The following ADGRB3 variants were observed in gnomAD, a reference collection of about 807,000 sequenced individuals.
ADGRB3 encodes the protein brain-specific angiogenesis inhibitor 3.
In ADGRB3, 37 loss-of-function variants were observed where a neutral mutation model predicts 193.4. The ratio of observed to expected loss-of-function variants is 0.19; its 90% CI spans 0.15 to 0.25. The LOEUF (loss-of-function observed/expected upper bound fraction) is 0.25, where lower values mean the gene tolerates loss of function less well. Ranked by LOEUF, ADGRB3 falls within the 10% of genes least tolerant of loss-of-function variation. The probability of loss-of-function intolerance (pLI) is 1.00; values close to 1 mark genes in which losing one functional copy is unlikely to be tolerated. For synonymous variants in ADGRB3, 690 were observed against 644.2 expected (o/e 1.07, Z -1.08); for missense variants, 1,637 against 1,852.9 (o/e 0.88, Z 2.14).
intron 13 of ADGRB3, among the ~76,000 whole-genome samples, chr6:69,043,945 G>A (rs1207878990): frequency 6.6e-6 from 1 of 152,172 alleles, no homozygotes; most frequent in African/African-American, 2.4e-5. Context: ...GGAGACTGGG[G>A]GAGGAGAATG....
At chr6:69,138,980 C>T (rs953319238) in intron 17 of ADGRB3, among the ~76,000 whole-genome samples, 1 of 152,154 alleles carries the variant, frequency 6.6e-6, no homozygotes, top group African/African-American at 2.4e-5. Context: ...TTTGTGTTTA[C>T]CCTAAGCCCA....
At chr6:69,001,798 T>C (rs891353693) in intron 11 of ADGRB3, among the ~76,000 whole-genome samples, 1 of 152,214 alleles carries the variant, frequency 6.6e-6, no homozygotes, top group Non-Finnish European at 1.5e-5. Context: ...TTGATCACAC[T>C]TCTGTGGACC....
chr6:69,007,850 T>C (rs1769811026), intron 11 of ADGRB3, among the ~76,000 whole-genome samples: 1 of 152,106 alleles, frequency 6.6e-6, no homozygotes, highest in Non-Finnish European at 1.5e-5. Flanking sequence ...TAAAAATATA[T>C]TTCCCACAGT....
chr6:69,234,545 AAGTC>A (rs1766220203), intron 18 of ADGRB3, among the ~76,000 whole-genome samples: 1 of 152,180 alleles, frequency 6.6e-6, no homozygotes, highest in Non-Finnish European at 1.5e-5. Flanking sequence ...AGTTGTCAAA[AAGTC>A]AGAAAGTTTG....
chr6:68,649,714 T>G (rs2127280093), intron 3 of ADGRB3, among the ~76,000 whole-genome samples: 1 of 152,312 alleles, frequency 6.6e-6, no homozygotes, highest in Middle Eastern at 3.4e-3. Flanking sequence ...AGAAATAATG[T>G]GCATTCTTGG....
Position 68,639,330 on chromosome 6 carries a change from G to T in ADGRB3, c.655G>T (p.Val219Leu). 1 of 1,614,092 alleles carries T rather than the reference G, an allele frequency of 6.2e-7. No homozygotes were observed. Among genetic ancestry groups the T allele is most frequent in the Non-Finnish European group, 8.5e-7 (1 of 1,180,026 alleles). The change falls in exon 3 of 32, where the codon GTG (valine) becomes TTG (leucine). Residue 219 changes from valine (V) to leucine (L), a missense_variant. Around this residue, in one of 7 missense-constraint regions of ADGRB3, gnomAD observed 365 missense variants for 409.8 expected, o/e 0.89. Transcript: ENST00000370598. ...DQSLILLNNVVLPLNEQTEGC... is the reference protein window; with the variant it reads ...DQSLILLNNVLLPLNEQTEGC... ...GTCGCTGATTTTGTTAAATAACGTG[G>T]TGTTACCCCTGAATGAGCAGACAGA...
At chr6:69,226,985 C>T (rs531381010) in intron 17 of ADGRB3, among the ~76,000 whole-genome samples, 2 of 152,332 alleles carry the variant, frequency 1.3e-5, no homozygotes, top group East Asian at 1.9e-4. Context: ...TATCCAGATT[C>T]AGAGGAGGAG....
chr6:69,146,031 T>A (rs762885690), intron 17 of ADGRB3, among the ~76,000 whole-genome samples: 1 of 152,136 alleles, frequency 6.6e-6, no homozygotes, highest in African/African-American at 2.4e-5. Context: ...CTTTAGGCCT[T>A]CCCCAGCTTG....
chr6:69,153,790 G>C (rs964597093), intron 17 of ADGRB3, among the ~76,000 whole-genome samples: 1 of 152,076 alleles, frequency 6.6e-6, no homozygotes, highest in African/African-American at 2.4e-5. Context: ...TCAGGAGATC[G>C]AGACCATGCT....
intron 3 of ADGRB3, among the ~76,000 whole-genome samples, chr6:68,749,870 G>GGATCTTGAATTGT (rs1238149871): frequency 6.6e-6 from 1 of 152,026 alleles, no homozygotes; most frequent in African/African-American, 2.4e-5. Flanking sequence ...CAATAATGTA[G>GGATCTTGAATTGT]GATCTTGAAT....
chr6:69,186,453 T>C lies in ADGRB3; in HGVS notation c.2481-46837T>C, dbSNP rs1355108877. Among the ~76,000 whole-genome samples the C allele has an allele frequency of 2.0e-5, 3 of 151,812 alleles. No individual in the cohort carries two copies. In the East Asian group the frequency reaches 5.8e-4, roughly 29 times the overall value. ...TAAAGCCTTCCCTCCCCACCCAGCA[T>C]CATTTATTCTCTACCAAGTATAGAA... On this transcript the variant is annotated intron_variant, in intron 17 of 31. Coordinates refer to ENST00000370598, the MANE Select transcript of ADGRB3 (RefSeq NM_001704.3).
chr6:68,855,061 T>A (rs1764940731), intron 3 of ADGRB3, among the ~76,000 whole-genome samples: 1 of 152,228 alleles, frequency 6.6e-6, no homozygotes, highest in Non-Finnish European at 1.5e-5. Flanking sequence ...GGAACCTGCA[T>A]CCAAACTGAC....
chr6:68,853,851 A>G (rs755373541), intron 3 of ADGRB3, among the ~76,000 whole-genome samples: 2 of 152,226 alleles, frequency 1.3e-5, no homozygotes, highest in Non-Finnish European at 2.9e-5. Context: ...TAAGGGTAAC[A>G]TAGATTATCA....
intron 3 of ADGRB3, among the ~76,000 whole-genome samples, chr6:68,798,815 C>A (rs1002484108): frequency 1.3e-5 from 2 of 152,266 alleles, no homozygotes; most frequent in Non-Finnish European, 1.5e-5. Context: ...TTAGTGGGTT[C>A]AGGCTACTCA....
At chr6:69,107,229 A>C (rs1773240716) in intron 17 of ADGRB3, among the ~76,000 whole-genome samples, 1 of 152,174 alleles carries the variant, frequency 6.6e-6, no homozygotes, top group Non-Finnish European at 1.5e-5. Flanking sequence ...AAATAGAAAA[A>C]AATTATATTT....
At chr6:68,656,585 G>A (rs1768494577) in intron 3 of ADGRB3, among the ~76,000 whole-genome samples, 1 of 151,662 alleles carries the variant, frequency 6.6e-6, no homozygotes, top group African/African-American at 2.4e-5. Context: ...CTGTATGTAT[G>A]TGAAATAATG....
At chr6:68,747,021 G>T (rs547197896) in intron 3 of ADGRB3, among the ~76,000 whole-genome samples, 1 of 152,144 alleles carries the variant, frequency 6.6e-6, no homozygotes, top group Non-Finnish European at 1.5e-5. Context: ...AGTAGTGAAG[G>T]CTTACACAGA....
chr6:68,741,470 T>C (rs1353053730), intron 3 of ADGRB3, among the ~76,000 whole-genome samples: 1 of 152,112 alleles, frequency 6.6e-6, no homozygotes, highest in African/African-American at 2.4e-5. Flanking sequence ...AACTGCAACC[T>C]CCACCTCGCC....
chr6:69,069,450 A>G (rs1357417307), intron 16 of ADGRB3, among the ~76,000 whole-genome samples: 1 of 149,278 alleles, frequency 6.7e-6, no homozygotes, highest in Non-Finnish European at 1.5e-5. Flanking sequence ...GTCCTTCTGA[A>G]GTATCATTAA....
Sources: allele counts gnomAD v4.1 joint callset (sites outside exome capture counted in the v4.1 genomes callset), GRCh38; gene constraint gnomAD v4.1.1; regional missense constraint gnomAD v4.1.1; transcripts MANE v1.5; gene names NCBI Gene and HGNC (gene_info 2026-07-23, HGNC 2026-07-21).